Variants in NAALADL2 observed in about 807,000 individuals in gnomAD.
NAALADL2 encodes the protein N-acetylated alpha-linked acidic dipeptidase like 2.
NAALADL2 carries 76 observed loss-of-function variants against 87.2 expected under a neutral mutation model. That is an observed-to-expected ratio of 0.87 (90% confidence interval 0.72 to 1.05). NAALADL2 has a LOEUF of 1.05. NAALADL2 is among the 50% of genes least tolerant of loss of function. NAALADL2 has a pLI of 0.00. For missense variants in NAALADL2, 1,089 were observed against 945.8 expected, an observed-to-expected ratio of 1.15 and a Z score of -1.99; for synonymous variants, 354 against 331.0, an observed-to-expected ratio of 1.07 and a Z score of -0.75.
intron 12 of NAALADL2, among the ~76,000 whole-genome samples, chr3:175,750,698 C>A (rs1468313327): frequency 6.6e-6 from 1 of 152,172 alleles, no homozygotes; most frequent in Admixed American, 6.5e-5. Context: ...CATGATCTAT[C>A]TCTCAAGGTT....
At chr3:175,069,199 G>C (rs1016228317) in intron 1 of NAALADL2, among the ~76,000 whole-genome samples, 120 of 149,422 alleles carry the variant, frequency 8.0e-4, no homozygotes, top group Admixed American at 2.4e-3. Flanking sequence ...CACAGCAAAA[G>C]AAACTACCAT....
chr3:174,544,620 G>T (rs1257458932), intron 1 of NAALADL2, among the ~76,000 whole-genome samples: 2 of 138,654 alleles, frequency 1.4e-5, no homozygotes, highest in African/African-American at 5.5e-5. Flanking sequence ...AGGCTGGAGT[G>T]CAGTGGTGCA....
intron 1 of NAALADL2, among the ~76,000 whole-genome samples, chr3:174,915,518 G>C (rs563042939): frequency 2.3e-4 from 35 of 152,184 alleles, no homozygotes; most frequent in African/African-American, 8.2e-4. Context: ...CTGGTTCTAA[G>C]ACTCATTCTA....
At chr3:174,518,099 C>A (rs575799779) in intron 1 of NAALADL2, among the ~76,000 whole-genome samples, 5 of 152,126 alleles carry the variant, frequency 3.3e-5, no homozygotes, top group African/African-American at 1.2e-4. Context: ...TAATCACTAA[C>A]CAGCTGTAGT....
chr3:174,951,885 T>A (rs1226708090), intron 1 of NAALADL2, among the ~76,000 whole-genome samples: 1 of 152,136 alleles, frequency 6.6e-6, no homozygotes, highest in Admixed American at 6.6e-5. Context: ...ATAGCCTTGG[T>A]CTGTTATTAT....
chr3:175,322,821 T>TA (rs2110415784), intron 4 of NAALADL2, among the ~76,000 whole-genome samples: 1 of 148,086 alleles, frequency 6.8e-6, no homozygotes, highest in Non-Finnish European at 1.5e-5. Context: ...TGGCAATCAT[T>TA]AAAAAGTCAG....
rs761466066 is a variant in NAALADL2 at position 175,324,272 on chromosome 3, T to C, written c.1037T>C (p.Met346Thr). The C allele has an allele frequency of 3.1e-6, 5 of 1,613,768 alleles. No homozygotes were observed. The change falls in exon 5 of 14, where the codon ATG becomes ACG. Residue 346 changes from methionine (M) to threonine (T), a missense_variant. Physicochemically the swap from Met to Thr is moderately conservative, Grantham distance 81. Coordinates refer to ENST00000454872, the MANE Select transcript of NAALADL2 (RefSeq NM_207015.3). ...GTGAATCCTAGCCATGATACCTTCA[T>C]GGTGTCACTGAATCCAGGAGGAGAC... Reference protein sequence around the residue: ...KTVNPSHDTFMVSLNPGGDPS... With the variant: ...KTVNPSHDTFTVSLNPGGDPS...
chr3:174,722,009 C>T (rs1731754058), intron 2 of NAALADL2, among the ~76,000 whole-genome samples: 1 of 152,150 alleles, frequency 6.6e-6, no homozygotes, highest in Admixed American at 6.5e-5. Flanking sequence ...GAAATAACAG[C>T]CAAGACCAAG....
intron 12 of NAALADL2, among the ~76,000 whole-genome samples, chr3:175,740,536 C>T (rs1561066726): frequency 6.6e-6 from 1 of 152,204 alleles, no homozygotes; most frequent in Non-Finnish European, 1.5e-5. Context: ...GTTTACTCAA[C>T]AGACCCAGAC....
chr3:175,544,331 T>C (rs1469278593), intron 9 of NAALADL2, among the ~76,000 whole-genome samples: 5 of 152,208 alleles, frequency 3.3e-5, no homozygotes, highest in African/African-American at 1.2e-4. Context: ...ACAGTAATGT[T>C]AATTTATTGG....
intron 11 of NAALADL2, among the ~76,000 whole-genome samples, chr3:175,635,755 T>C (rs1172233852): frequency 6.6e-6 from 1 of 152,138 alleles, no homozygotes; most frequent in East Asian, 1.9e-4. Context: ...GAGGAGACTC[T>C]ACCTTTCCAT....
At chr3:175,273,733 C>CGTGT (rs35081448) in intron 4 of NAALADL2, among the ~76,000 whole-genome samples, 19 of 148,850 alleles carry the variant, frequency 1.3e-4, no homozygotes, top group Admixed American at 3.3e-4. Flanking sequence ...TGTGTGTGTG[C>CGTGT]GTGTGTGTGT....
Position 175,258,337 on chromosome 3 carries a change from A to G in NAALADL2, c.939+1807A>G, listed in dbSNP as rs531461327. ...CGCCCCCACCACCAAAAAAAAAAAA[A>G]AAAAAAGAAAGAAACAATCAGGCTT... On this transcript the variant is annotated intron_variant, in intron 4 of 13. Coordinates refer to ENST00000454872, the MANE Select transcript of NAALADL2 (RefSeq NM_207015.3). Among the ~76,000 whole-genome samples, 338 of 151,360 alleles carry G rather than the reference A, an allele frequency of 2.2e-3. 1 individual carries two copies. Among genetic ancestry groups the G allele is most frequent in the African/African-American group, 7.7e-3 (317 of 41,248 alleles).
At chr3:174,938,172 C>T (rs1273423099) in intron 1 of NAALADL2, among the ~76,000 whole-genome samples, 1 of 151,984 alleles carries the variant, frequency 6.6e-6, no homozygotes, top group Admixed American at 6.6e-5. Context: ...CCTCTCCTTC[C>T]TCCCACCCTG....
At chr3:174,865,619 A>G (rs1186394996) in intron 1 of NAALADL2, among the ~76,000 whole-genome samples, 3 of 151,980 alleles carry the variant, frequency 2.0e-5, no homozygotes, top group Non-Finnish European at 4.4e-5. Context: ...AGATGGAGAA[A>G]TACACTGCCT....
At chr3:175,231,853 CT>C (rs1240096915) in intron 2 of NAALADL2, among the ~76,000 whole-genome samples, 2 of 152,182 alleles carry the variant, frequency 1.3e-5, no homozygotes, top group Non-Finnish European at 1.5e-5. Context: ...TTGTAAATGA[CT>C]TTCCTGTCAA....
chr3:174,698,720 C>T lies in NAALADL2; in HGVS notation c.-114-38921C>T, dbSNP rs889467999. Among the ~76,000 whole-genome samples the T allele has an allele frequency of 5.2e-5, 7 of 134,264 alleles. 2 individuals carry two copies. The highest frequency in any genetic ancestry group is 1.6e-4 in the African/African-American group (5 of 30,546). The allele number at this position is 134,264 out of a possible 152,430, so 88.1% of individuals were successfully genotyped here. ...TCTACTAAAAATACAAAAAATTAGC[C>T]GGGCGTAGTGGCGGGCGCCTTTAGT... On this transcript the variant is annotated intron_variant, in intron 2 of 3. Coordinates refer to the NAALADL2 transcript ENST00000434257.
chr3:175,624,082 G>A (rs936264625), intron 10 of NAALADL2, among the ~76,000 whole-genome samples: 6 of 151,662 alleles, frequency 4.0e-5, no homozygotes, highest in African/African-American at 9.7e-5. Flanking sequence ...ATAAACAAAC[G>A]AAAACAAAAC....
At chr3:175,501,108 A>G (rs1582149309) in intron 9 of NAALADL2, among the ~76,000 whole-genome samples, 1 of 152,262 alleles carries the variant, frequency 6.6e-6, no homozygotes, top group East Asian at 1.9e-4. Flanking sequence ...ATAGGGGTAG[A>G]TTAATCAGGA....
Sources: gnomAD v4.1 joint callset for allele counts (sites outside exome capture counted in the v4.1 genomes callset) on GRCh38, gnomAD v4.1.1 for gene constraint, MANE v1.5 for transcripts, NCBI Gene and HGNC (gene_info 2026-07-23, HGNC 2026-07-21) for gene names.